The following CFAP91 variants were observed in gnomAD, a reference collection of about 807,000 sequenced individuals.
The protein encoded by CFAP91 is cilia- and flagella-associated protein 91.
A neutral mutation model predicts 95.9 loss-of-function variants in CFAP91; 85 were observed. The ratio of observed to expected loss-of-function variants is 0.89; its 90% CI spans 0.74 to 1.06. The LOEUF (loss-of-function observed/expected upper bound fraction) is 1.06. CFAP91 is among the 50% of genes least tolerant of loss of function. CFAP91 has a pLI of 0.00. For synonymous variants in CFAP91, 335 were observed against 327.5 expected, an observed-to-expected ratio of 1.02 and a Z score of -0.25; for missense variants, 962 against 943.4, an observed-to-expected ratio of 1.02 and a Z score of -0.26.
At chr3:119,709,004 TTGAAA>T (rs2053426903) in intron 4 of CFAP91, among the ~76,000 whole-genome samples, 1 of 152,186 alleles carries the variant, frequency 6.6e-6, no homozygotes, top group Non-Finnish European at 1.5e-5. Context: ...TTGAAAATAT[TTGAAA>T]TGAAGTCATC....
At chr3:119,708,166 A>C (rs1452420656) in intron 3 of CFAP91, among the ~76,000 whole-genome samples, 1 of 151,498 alleles carries the variant, frequency 6.6e-6, no homozygotes, top group Non-Finnish European at 1.5e-5. Flanking sequence ...CTGTAGTCCC[A>C]GCTACTTGGG....
intron 11 of CFAP91, 51 bp from the exon 12 acceptor site, chr3:119,739,204 C>G (rs1211824294): frequency 1.4e-6 from 2 of 1,438,692 alleles, no homozygotes; most frequent in East Asian, 4.5e-5. Context: ...ATATTTGATG[C>G]TTGGACTACT....
At chr3:119,728,887 T>C (rs955309129) in intron 7 of CFAP91, among the ~76,000 whole-genome samples, 1 of 152,248 alleles carries the variant, frequency 6.6e-6, no homozygotes, top group African/African-American at 2.4e-5. Context: ...TAGCCTGGTA[T>C]GTATCTCCTT....
At chr3:119,721,347 A>T (rs751841476) in intron 6 of CFAP91, among the ~76,000 whole-genome samples, 6 of 152,274 alleles carry the variant, frequency 3.9e-5, no homozygotes, top group Non-Finnish European at 5.9e-5. Context: ...CTTAATAAGG[A>T]ATATCTACCA....
chr3:119,761,195 A>G (rs2054532163), intron 17 of CFAP91, among the ~76,000 whole-genome samples: 4 of 151,904 alleles, frequency 2.6e-5, no homozygotes, highest in Admixed American at 2.6e-4. Context: ...ATTACAACTG[A>G]TACCACAGAA....
At chr3:119,703,614 A>C (rs537421432) in intron 1 of CFAP91, among the ~76,000 whole-genome samples, 1 of 152,358 alleles carries the variant, frequency 6.6e-6, no homozygotes, top group East Asian at 1.9e-4. Flanking sequence ...TTGGGCGAAA[A>C]GAAGTGCCAG....
chr3:119,731,797 A>G (rs537653690), intron 8 of CFAP91, among the ~76,000 whole-genome samples: 2 of 152,348 alleles, frequency 1.3e-5, no homozygotes, highest in South Asian at 4.1e-4. Context: ...TGATGTGCAC[A>G]GTTGAGCCTT....
At chr3:119,761,301 G>A (rs182030138) in intron 17 of CFAP91, among the ~76,000 whole-genome samples, 27 of 151,860 alleles carry the variant, frequency 1.8e-4, no homozygotes, top group African/African-American at 4.6e-4. Flanking sequence ...TATCAAGATT[G>A]AACCATGAAG....
chr3:119,742,774 G>A (rs953527221), intron 13 of CFAP91, among the ~76,000 whole-genome samples: 1 of 152,156 alleles, frequency 6.6e-6, no homozygotes, highest in African/African-American at 2.4e-5. Context: ...ATGAAGATGG[G>A]TGGTGTTGGG....
chr3:119,749,335 A>G (rs1037403567), intron 16 of CFAP91: 2 of 152,260 alleles, frequency 1.3e-5, no homozygotes, highest in African/African-American at 4.8e-5. Context: ...CAGCCTGGGT[A>G]ACACAGGGAG....
chr3:119,743,905 C>A, intron 13 of CFAP91, 70 bp from the exon 14 acceptor site: 1 of 1,344,336 alleles, frequency 7.4e-7, no homozygotes, highest in Non-Finnish European at 1.0e-6. Context: ...TTGAGTAATC[C>A]AGCACTTCTT....
chr3:119,713,598 G>C (rs1362996905), intron 5 of CFAP91, among the ~76,000 whole-genome samples: 2 of 151,474 alleles, frequency 1.3e-5, no homozygotes, highest in Non-Finnish European at 1.5e-5. Context: ...AGTCAAAGTG[G>C]CTATATTGGT....
At position 119,726,670 on chromosome 3, in the gene CFAP91, A is replaced by G. The variant is rs544048952; in HGVS notation, c.860+322A>G. On this transcript the variant is annotated intron_variant, in intron 7 of 17. Coordinates refer to ENST00000273390, the MANE Select transcript of CFAP91 (RefSeq NM_033364.4). ...CTTTTCCCTTTTCTCTTTAGTATCTATCTTAACTGTCACAGAATCCCACTA... is the reference window on the plus strand; with the variant it reads ...CTTTTCCCTTTTCTCTTTAGTATCTGTCTTAACTGTCACAGAATCCCACTA... Among the ~76,000 whole-genome samples the G allele has an allele frequency of 7.9e-5, 12 of 152,226 alleles. No homozygotes were observed. In the South Asian group the frequency reaches 1.2e-3, roughly 16 times the overall value.
At chr3:119,721,844 A>G (rs2053690905) in intron 6 of CFAP91, among the ~76,000 whole-genome samples, 1 of 152,198 alleles carries the variant, frequency 6.6e-6, no homozygotes, top group South Asian at 2.1e-4. Context: ...GTCAACATAC[A>G]TCAGTCGCTT....
At chr3:119,743,631 A>C (rs2054163886) in intron 13 of CFAP91, among the ~76,000 whole-genome samples, 1 of 152,178 alleles carries the variant, frequency 6.6e-6, no homozygotes, top group East Asian at 1.9e-4. Flanking sequence ...AAAACTTGAC[A>C]TTTCCCTTCA....
In CFAP91 at chr3:119,740,685, A is replaced by T. The variant is rs77975128; in HGVS notation, c.1670A>T (p.His557Leu). The T allele has an allele frequency of 1.2e-6, 2 of 1,613,946 alleles. No homozygotes were observed. The highest frequency in any genetic ancestry group is 1.3e-5 in the African/African-American group (1 of 74,940). ...GCCTTACAGCGGCAGAGGAACTTGC[A>T]TGAGCACAAGGTTTTCCTTTTTTTG... ...TLALQRQRNL[H>L]EHKVSLVENH... Residue 557 changes from histidine (H) to leucine (L), a missense_variant, in exon 13 of 18, where the codon CAT (histidine) becomes CTT (leucine). His to Leu is a moderately conservative substitution (Grantham distance 99, BLOSUM62 -3). Transcript: ENST00000273390.
At chr3:119,704,224 A>G (rs886670422) in intron 1 of CFAP91, among the ~76,000 whole-genome samples, 4 of 152,194 alleles carry the variant, frequency 2.6e-5, no homozygotes, top group Non-Finnish European at 5.9e-5. Context: ...CATCTCCCCA[A>G]AGTATTTATT....
rs2053626686 is a variant in CFAP91 at position 119,718,824 on chromosome 3, C to T, written c.682+3081C>T. On this transcript the variant is annotated intron_variant, in intron 6 of 17. Transcript: ENST00000273390. ...TCATACATAAGAAGAATATCTATCT[C>T]ATAGGATACTGTAAGGATTAAGTAA... Among the ~76,000 whole-genome samples the T allele has an allele frequency of 2.6e-5, 4 of 151,682 alleles. No individual in the cohort carries two copies. The South Asian group carries it at 8.3e-4, about 32-fold the overall frequency.
chr3:119,736,080 A>C (rs2107892927), intron 10 of CFAP91, among the ~76,000 whole-genome samples: 1 of 152,078 alleles, frequency 6.6e-6, no homozygotes, highest in Non-Finnish European at 1.5e-5. Flanking sequence ...GCACACAATA[A>C]AATCACCCTT....
Sources: gnomAD v4.1 joint callset for allele counts (sites outside exome capture counted in the v4.1 genomes callset) on GRCh38, gnomAD v4.1.1 for gene constraint, MANE v1.5 for transcripts, NCBI Gene and HGNC (gene_info 2026-07-23, HGNC 2026-07-21) for gene names.